The following GNAI3 variants were observed in gnomAD, a reference collection of about 807,000 sequenced individuals.
GNAI3 encodes G protein subunit alpha i3.
In GNAI3, 12 loss-of-function variants were observed where a neutral mutation model predicts 41.8. The observed-to-expected ratio is 0.29, with a 90% confidence interval of 0.18 to 0.47. The LOEUF is 0.47. GNAI3 is among the 20% of genes least tolerant of loss of function. GNAI3 has a pLI of 1.00. For synonymous variants in GNAI3, 132 were observed against 146.5 expected, an observed-to-expected ratio of 0.90 and a Z score of 0.71; for missense variants, 360 against 429.6, an observed-to-expected ratio of 0.84 and a Z score of 1.43.
chr1:109,586,660 G>C, intron 6 of GNAI3, 69 bp from the exon 7 acceptor site: 1 of 1,163,322 alleles, frequency 8.6e-7, no homozygotes, highest in Non-Finnish European at 1.2e-6. Flanking sequence ...TTGTTGGTTT[G>C]TCTTTTTCAT....
intron 3 of GNAI3, among the ~76,000 whole-genome samples, chr1:109,575,368 A>G (rs1648708848): frequency 2.0e-5 from 3 of 150,314 alleles, no homozygotes. Flanking sequence ...TATTTGTTGT[A>G]TCTGGTAACT....
intron 1 of GNAI3, among the ~76,000 whole-genome samples, chr1:109,553,124 T>C (rs1483196233): frequency 6.6e-6 from 1 of 152,192 alleles, no homozygotes; most frequent in East Asian, 1.9e-4. Flanking sequence ...TTCAGAGGTT[T>C]TTCAGACAGC....
At position 109,562,067 on chromosome 1, in the gene GNAI3, G is replaced by A. The variant is rs60952032; in HGVS notation, c.119-11670G>A. 6.2e-3 allele frequency among the ~76,000 whole-genome samples: 937 copies of A among 152,168 alleles called. 13 individuals are homozygous for A. The highest frequency in any genetic ancestry group is 0.022 in the African/African-American group (905 of 41,504). ...GTTTATGTGAAGTTTTTTGGTAGCT[G>A]TATTTTAAGCTGTATTATGTATGTA... On this transcript the variant is annotated intron_variant, in intron 1 of 8. Coordinates refer to ENST00000369851, the MANE Select transcript of GNAI3 (RefSeq NM_006496.4).
At chr1:109,578,880 G>GT (rs946412092) in intron 3 of GNAI3, among the ~76,000 whole-genome samples, 2 of 152,168 alleles carry the variant, frequency 1.3e-5, no homozygotes, top group Admixed American at 6.5e-5. Flanking sequence ...TCATAAACCA[G>GT]TTTTTTTCTC....
At chr1:109,590,319 C>T (rs957020742) in intron 7 of GNAI3, among the ~76,000 whole-genome samples, 1 of 152,094 alleles carries the variant, frequency 6.6e-6, no homozygotes, top group African/African-American at 2.4e-5. Context: ...AAGCAAAGAG[C>T]CTTTAATATC....
intron 3 of GNAI3, among the ~76,000 whole-genome samples, chr1:109,577,951 T>G (rs1648792214): frequency 1.3e-5 from 2 of 152,222 alleles, no homozygotes; most frequent in Non-Finnish European, 2.9e-5. Flanking sequence ...TACTTTTTCT[T>G]TACACGTTAT....
rs772514726 is a variant in GNAI3, at chr1:109,573,916, AT to A, written c.184del (p.Ser62GlnfsTer10). 1.2e-6 allele frequency: 2 copies of A among 1,610,340 alleles called. No individual in the cohort carries two copies. Among genetic ancestry groups the A allele is most frequent in the Non-Finnish European group, 8.5e-7 (1 of 1,176,950 alleles). On this transcript the variant is annotated frameshift_variant, in exon 3 of 9. Transcript: ENST00000369851. LOFTEE classifies it high-confidence loss of function. ...KQMKIIHEDG[Y>X]SEDECKQYKV... ...TAAAGAATCATTCATGAGGATGGCTATTCAGAGGATGAATGTAAACAATATA... is the reference window on the plus strand; with the variant it reads ...TAAAGAATCATTCATGAGGATGGCTATCAGAGGATGAATGTAAACAATATA...
chr1:109,548,756 A>G lies in GNAI3; in HGVS notation c.36A>G (p.Ala12=), dbSNP rs1411903872. ...GCTLSAEDKA[A]VERSKMIDRN... is the part of the protein sequence containing the mutation. Reference sequence around the variant, plus strand: ...CGTTGAGCGCCGAAGACAAGGCGGCAGTGGAGCGAAGCAAGATGATCGACC... The same window carrying G: ...CGTTGAGCGCCGAAGACAAGGCGGCGGTGGAGCGAAGCAAGATGATCGACC... The change falls in exon 1 of 9, where the codon GCA becomes GCG. Residue 12 remains alanine (A), a synonymous_variant. Coordinates refer to ENST00000369851, the MANE Select transcript of GNAI3 (RefSeq NM_006496.4). The G allele has an allele frequency of 5.6e-6, 9 of 1,613,678 alleles. No individual in the cohort carries two copies. In the East Asian group the frequency reaches 2.0e-4, roughly 36 times the overall value.
chr1:109,566,362 A>G (rs1328753639), intron 1 of GNAI3, among the ~76,000 whole-genome samples: 2 of 152,188 alleles, frequency 1.3e-5, no homozygotes, highest in Admixed American at 6.5e-5. Context: ...TAAAGTCCAT[A>G]AACTTATTTG....
At chr1:109,577,017 T>G (rs1335955647) in intron 3 of GNAI3, among the ~76,000 whole-genome samples, 7 of 418 alleles carry the variant, frequency 0.017, no homozygotes, top group Middle Eastern at 0.17. Context: ...TTTTTTCTGT[T>G]TTTTTTTTTT....
At chr1:109,569,979 ACTTTT>A (rs1202675999) in intron 1 of GNAI3, among the ~76,000 whole-genome samples, 1 of 152,200 alleles carries the variant, frequency 6.6e-6, no homozygotes, top group East Asian at 1.9e-4. Flanking sequence ...ATTAATCTCA[ACTTTT>A]CTTAATTTAG....
At chr1:109,574,785 G>A (rs1032645750) in intron 3 of GNAI3, among the ~76,000 whole-genome samples, 17 of 152,142 alleles carry the variant, frequency 1.1e-4, no homozygotes, top group African/African-American at 4.1e-4. Context: ...ACATCTAAGG[G>A]ACTCACTGGC....
intron 7 of GNAI3, among the ~76,000 whole-genome samples, chr1:109,588,054 C>T (rs1336586616): frequency 6.6e-6 from 1 of 152,178 alleles, no homozygotes; most frequent in African/African-American, 2.4e-5. Context: ...TATGTGATAA[C>T]AGCCTAGTCA....
chr1:109,570,124 C>T (rs1648553798), intron 1 of GNAI3, among the ~76,000 whole-genome samples: 1 of 152,076 alleles, frequency 6.6e-6, no homozygotes, highest in Admixed American at 6.6e-5. Context: ...AGAGGATTCA[C>T]CTTTTTATAA....
intron 1 of GNAI3, among the ~76,000 whole-genome samples, chr1:109,566,711 G>C (rs1231542749): frequency 6.6e-6 from 1 of 152,030 alleles, no homozygotes. Flanking sequence ...ACAGGTGCCC[G>C]CCACCATACC....
At chr1:109,581,124 A>G (rs1012290966) in intron 4 of GNAI3, among the ~76,000 whole-genome samples, 13 of 152,180 alleles carry the variant, frequency 8.5e-5, no homozygotes, top group African/African-American at 2.4e-4. Context: ...ATTTGGTTTT[A>G]TAGATCATTA....
At chr1:109,548,956 C>G (rs115300851) in intron 1 of GNAI3, 118 bp downstream of exon 1, 72 of 263,486 alleles carry the variant, frequency 2.7e-4, no homozygotes, top group South Asian at 1.1e-3. Flanking sequence ...GAGGGCGTGC[C>G]GGGCGTGGGG....
At chr1:109,567,727 G>A (rs1274570090) in intron 1 of GNAI3, among the ~76,000 whole-genome samples, 3 of 152,102 alleles carry the variant, frequency 2.0e-5, no homozygotes, top group Non-Finnish European at 4.4e-5. Context: ...AGGCCTTAAC[G>A]TTACTTGGTG....
chr1:109,554,420 A>T (rs1648089774), intron 1 of GNAI3, among the ~76,000 whole-genome samples: 1 of 151,982 alleles, frequency 6.6e-6, no homozygotes, highest in African/African-American at 2.4e-5. Context: ...CCATTATTGC[A>T]GGAGTAAGGT....
Sources: gnomAD v4.1 joint callset for allele counts (sites outside exome capture counted in the v4.1 genomes callset) on GRCh38, gnomAD v4.1.1 for gene constraint, MANE v1.5 for transcripts, NCBI Gene and HGNC (gene_info 2026-07-23, HGNC 2026-07-21) for gene names.